The following DGKD variants were observed in gnomAD, a reference collection of about 807,000 sequenced individuals.
The protein encoded by DGKD is diacylglycerol kinase delta, also known as DAG kinase delta.
DGKD carries 68 observed loss-of-function variants against 154.4 expected under a neutral mutation model. The observed-to-expected ratio is 0.44, with a 90% CI of 0.36 to 0.54. The LOEUF is 0.54. DGKD is among the 20% of genes least tolerant of loss of function. The pLI is 0.00. For missense variants in DGKD, 1,343 were observed against 1,593.6 expected (o/e 0.84, Z 2.68); for synonymous variants, 693 against 638.0 (o/e 1.09, Z -1.30).
In DGKD at chr2:233,469,495, C is replaced by T. The variant is rs762191617; in HGVS notation, c.*35C>T. 55 of 1,545,940 alleles carry T rather than the reference C, an allele frequency of 3.6e-5. No individual in the cohort carries two copies. Among genetic ancestry groups the T allele is most frequent in the South Asian group, 1.9e-4 (16 of 84,818 alleles). On this transcript the variant is annotated 3_prime_UTR_variant, in exon 30 of 30. Coordinates refer to ENST00000264057, the MANE Select transcript of DGKD (RefSeq NM_152879.3). ...TCTCAGCCTGTGGCCTCCACATCCCCGCCGCCGAGGCCTAGCCTCCGCCCT... is the reference window on the plus strand; with the variant it reads ...TCTCAGCCTGTGGCCTCCACATCCCTGCCGCCGAGGCCTAGCCTCCGCCCT...
chr2:233,468,906 G>T (rs920606509), intron 29 of DGKD, among the ~76,000 whole-genome samples: 4 of 152,228 alleles, frequency 2.6e-5, no homozygotes, highest in Non-Finnish European at 5.9e-5. Context: ...CCACTCGTCT[G>T]CAGGGAGCAT....
intron 12 of DGKD, 192 bp from the exon 13 acceptor site, chr2:233,447,895 C>T (rs2124848262): frequency 7.0e-7 from 1 of 1,420,124 alleles, no homozygotes; most frequent in South Asian, 1.5e-5. Context: ...AAATCTCTCA[C>T]CTAGCACTAG....
intron 3 of DGKD, among the ~76,000 whole-genome samples, chr2:233,406,598 G>T (rs551749688): frequency 1.3e-5 from 2 of 152,300 alleles, no homozygotes; most frequent in East Asian, 3.9e-4. Flanking sequence ...AGGATTCATG[G>T]CCCCCTCAAA....
In DGKD at chr2:233,390,413, T is replaced by A; in HGVS notation, c.278T>A (p.Phe93Tyr). The change falls in exon 3 of 30, where the codon TTT becomes TAT. Residue 93 changes from phenylalanine (F) to tyrosine (Y), a missense_variant. By Grantham distance (22) the Phe-to-Tyr change is conservative. Transcript: ENST00000264057. The part of the protein sequence containing the change: ...YYAKTAKSII[F>Y]DEVDLTDASV... ...TTTGTCTCTTTCTAGTCAATCATAT[T>A]TGATGAGGTGGATCTGACAGATGCC... 1 of 1,614,022 alleles carries A rather than the reference T, an allele frequency of 6.2e-7. No homozygotes were observed. The highest frequency in any genetic ancestry group is 8.5e-7 in the Non-Finnish European group (1 of 1,179,938).
At chr2:233,447,066 T>C (rs1031517118) in intron 12 of DGKD, among the ~76,000 whole-genome samples, 2 of 152,180 alleles carry the variant, frequency 1.3e-5, no homozygotes, top group Non-Finnish European at 2.9e-5. Context: ...TAATGGCCTT[T>C]CCACCCTGTC....
intron 26 of DGKD, chr2:233,463,846 A>G (rs1432702175): frequency 1.5e-5 from 5 of 340,658 alleles, no homozygotes; most frequent in Non-Finnish European, 2.8e-5. Context: ...TGCTTCCCAC[A>G]GCATTTCCAC....
Position 233,461,231 on chromosome 2 carries a change from C to T in DGKD, c.2981+886C>T, listed in dbSNP as rs559947123. 4.2e-4 allele frequency among the ~76,000 whole-genome samples: 64 copies of T among 152,344 alleles called. 1 individual carries two copies. The highest frequency in any genetic ancestry group is 3.9e-4 in the East Asian group (2 of 5,180). Reference sequence around the variant, plus strand: ...GCGGGGCCTGCCTGCATTCTCCCCCCGTGGCCGCACGCTGGCTGGTGCCCT... The same window carrying T: ...GCGGGGCCTGCCTGCATTCTCCCCCTGTGGCCGCACGCTGGCTGGTGCCCT... On this transcript the variant is annotated intron_variant, in intron 24 of 29. Transcript: ENST00000264057.
At chr2:233,409,795 T>G (rs1035859734) in intron 3 of DGKD, among the ~76,000 whole-genome samples, 1 of 140,804 alleles carries the variant, frequency 7.1e-6, no homozygotes, top group Non-Finnish European at 1.5e-5. Flanking sequence ...CCGTTTTTTT[T>G]TTTTTTTTTT....
In DGKD at chr2:233,448,163, T is replaced by C; in HGVS notation, c.1496T>C (p.Val499Ala). The C allele has an allele frequency of 6.2e-7, 1 of 1,614,194 alleles. No individual in the cohort carries two copies. The highest frequency in any genetic ancestry group is 2.2e-5 in the East Asian group (1 of 44,882). ...SKILTSDQHS[V>A]VISSAKVLCE... ...ATCCTCACCTCGGACCAGCACTCGG[T>C]GGTCATCTCCTCGGCCAAGTGAGTG... The change falls in exon 13 of 30, where the codon GTG (valine) becomes GCG (alanine). Residue 499 changes from valine to alanine, a missense_variant. By Grantham distance (64) the Val-to-Ala change is moderately conservative. Transcript: ENST00000264057.
chr2:233,418,555 C>A (rs181530889), intron 3 of DGKD, among the ~76,000 whole-genome samples: 16 of 152,312 alleles, frequency 1.1e-4, no homozygotes, highest in Admixed American at 9.8e-4. Flanking sequence ...ATTAAAACAA[C>A]CTATCTTCTG....
intron 1 of DGKD, among the ~76,000 whole-genome samples, chr2:233,363,626 A>G (rs1036384865): frequency 2.0e-5 from 3 of 152,234 alleles, no homozygotes; most frequent in Non-Finnish European, 2.9e-5. Context: ...CTCACCAGTC[A>G]TTCACTCACT....
Position 233,441,666 on chromosome 2 carries a change from G to T in DGKD, c.1086-221G>T, listed in dbSNP as rs1212838678. On this transcript the variant is annotated intron_variant, in intron 9 of 29. Coordinates refer to ENST00000264057, the MANE Select transcript of DGKD (RefSeq NM_152879.3). This position sits in a 1 kb window ranked among gnomAD's most constrained non-coding sequence, Gnocchi z 5.6. ...CTTGTCGCTGGGTGGGGCGTGGCTGGTGGGAGCAGTTGGCTGGACCCCAGT... is the reference window on the plus strand; with the variant it reads ...CTTGTCGCTGGGTGGGGCGTGGCTGTTGGGAGCAGTTGGCTGGACCCCAGT... Among the ~76,000 whole-genome samples, 2 of 152,004 alleles carry T rather than the reference G, an allele frequency of 1.3e-5. No homozygotes were observed. The highest frequency in any genetic ancestry group is 1.3e-4 in the Admixed American group (2 of 15,280).
rs368011222 is a variant in DGKD, at chr2:233,435,654, C to T, written c.587-164C>T. On this transcript the variant is annotated intron_variant, in intron 5 of 29. Coordinates refer to ENST00000264057, the MANE Select transcript of DGKD (RefSeq NM_152879.3). Reference sequence around the variant, plus strand: ...TTCCCTGCCGCTGCCGGTCCCACCGCCATCAGCCTCTAAGCGTATCACAGT... The same window carrying T: ...TTCCCTGCCGCTGCCGGTCCCACCGTCATCAGCCTCTAAGCGTATCACAGT... Among the ~76,000 whole-genome samples, 18 of 152,292 alleles carry T rather than the reference C, an allele frequency of 1.2e-4. No homozygotes were observed. In the South Asian group the frequency reaches 3.5e-3, roughly 30 times the overall value.
chr2:233,450,745 CAT>C (rs1252216387), intron 16 of DGKD, among the ~76,000 whole-genome samples, 175 bp from the exon 17 acceptor site: 2 of 152,214 alleles, frequency 1.3e-5, no homozygotes, highest in African/African-American at 2.4e-5. Flanking sequence ...GCCCCCCAAA[CAT>C]GTGCACCCAC....
At chr2:233,386,087 G>A in intron 1 of DGKD, 8 of 419,206 alleles carry the variant, frequency 1.9e-5, no homozygotes, top group African/African-American at 4.1e-5. Context: ...GGAGATGCAA[G>A]AAAAAATACT....
chr2:233,461,203 G>T (rs1274140010), intron 24 of DGKD, among the ~76,000 whole-genome samples: 1 of 152,226 alleles, frequency 6.6e-6, no homozygotes, highest in Non-Finnish European at 1.5e-5. Flanking sequence ...CTGCTCCGCC[G>T]GTGCGGGGCC....
At chr2:233,442,132 C>G (rs2062916282) in intron 10 of DGKD, 137 bp downstream of exon 10, 1 of 863,756 alleles carries the variant, frequency 1.2e-6, no homozygotes, top group East Asian at 2.6e-5. Flanking sequence ...GGGGAGTGTG[C>G]AGTTTGGTGG....
intron 8 of DGKD, 149 bp downstream of exon 8, chr2:233,437,628 A>G (rs1038996306): frequency 5.2e-6 from 4 of 767,578 alleles, no homozygotes; most frequent in Non-Finnish European, 8.6e-6. Flanking sequence ...GAGGAGTTGC[A>G]CAGAGCGGCA....
intron 3 of DGKD, among the ~76,000 whole-genome samples, chr2:233,398,791 A>C (rs1218679030): frequency 2.0e-5 from 3 of 151,982 alleles, no homozygotes; most frequent in Non-Finnish European, 4.4e-5. Flanking sequence ...CACCCGGCTA[A>C]TTTTTGTATT....
Sources: allele counts gnomAD v4.1 joint callset (sites outside exome capture counted in the v4.1 genomes callset), GRCh38; gene constraint gnomAD v4.1.1; non-coding constraint Gnocchi (gnomAD v3.1); transcripts MANE v1.5; gene names NCBI Gene and HGNC (gene_info 2026-07-23, HGNC 2026-07-21).